Variants in SYMPK observed in about 807,000 individuals in gnomAD.
The protein encoded by SYMPK is symplekin.
SYMPK carries 49 observed loss-of-function variants against 136.4 expected under a neutral mutation model. The ratio of observed to expected loss-of-function variants is 0.36; its 90% CI spans 0.29 to 0.46. The LOEUF (loss-of-function observed/expected upper bound fraction) is 0.46, where lower values mean the gene tolerates loss of function less well. Among genes scored for constraint, SYMPK ranks in the 20% least tolerant of loss-of-function variants. The pLI, the probability that SYMPK is intolerant of heterozygous loss-of-function variation, is 1.00. For missense variants in SYMPK, 1,365 were observed against 1,690.0 expected, an observed-to-expected ratio of 0.81 and a Z score of 3.37; for synonymous variants, 766 against 713.0, an observed-to-expected ratio of 1.07 and a Z score of -1.19.
In SYMPK at chr19:45,815,991, G is replaced by T. The variant is rs778154800; in HGVS notation, c.3547C>A (p.Pro1183Thr). The change falls in exon 26 of 27, where the codon CCC becomes ACC. Residue 1183 changes from proline to threonine, a missense_variant. This residue lies in a region of SYMPK where 341 missense variants were observed against 270.5 expected (regional missense o/e 1.26). Coordinates refer to ENST00000245934, the MANE Select transcript of SYMPK (RefSeq NM_004819.3). Reference protein sequence around the residue: ...SPSPSARPGPPPSEEAMDFRE... With the variant: ...SPSPSARPGPTPSEEAMDFRE... ...AAATCCATGGCTTCCTCAGACGGGG[G>T]CGGGCCTGGCCGGGCCGACGGAGAG... 3 of 1,606,874 alleles carry T rather than the reference G, an allele frequency of 1.9e-6. No homozygotes were observed. Among genetic ancestry groups the T allele is most frequent in the Non-Finnish European group, 1.7e-6 (2 of 1,177,420 alleles).
At position 45,847,771 on chromosome 19, in the gene SYMPK, G is replaced by T; in HGVS notation, c.657C>A (p.Asp219Glu). The T allele has an allele frequency of 6.2e-7, 1 of 1,613,886 alleles. No homozygotes were observed. Among genetic ancestry groups the T allele is most frequent in the Non-Finnish European group, 8.5e-7 (1 of 1,179,976 alleles). Residue 219 changes from aspartate (D) to glutamate (E), a missense_variant, in exon 7 of 27, where the codon GAC becomes GAA. By Grantham distance (45) the Asp-to-Glu change is conservative. This residue lies in a region of SYMPK where 237 missense variants were observed against 292.9 expected (regional missense o/e 0.81). Coordinates refer to ENST00000245934, the MANE Select transcript of SYMPK (RefSeq NM_004819.3). The stretch of plus-strand genomic sequence containing the variant: ...ACTCACTGTACTGGATGTAGGGGTG[G>T]TCACGAGGGATGCGGTCCAGGCTGA... ...HDISLDRIPR[D>E]HPYIQYNVLW...
chr19:45,857,703 G>A (rs1347609855), intron 1 of SYMPK, among the ~76,000 whole-genome samples: 2 of 151,822 alleles, frequency 1.3e-5, no homozygotes, highest in Non-Finnish European at 2.9e-5. Flanking sequence ...ATGTTAGCCA[G>A]GATGGTCTCG....
At chr19:45,848,289 A>G (rs1971615271) in intron 6 of SYMPK, among the ~76,000 whole-genome samples, 1 of 152,228 alleles carries the variant, frequency 6.6e-6, no homozygotes. Flanking sequence ...TGCTGACTTC[A>G]CAAGGTGGTG....
intron 1 of SYMPK, chr19:45,854,971 AG>A (rs1971786800): frequency 6.4e-6 from 1 of 155,642 alleles, no homozygotes; most frequent in African/African-American, 2.5e-5. Flanking sequence ...TCTGCCTCCC[AG>A]GTTCAAGTGA....
chr19:45,843,968 AAAGAAAG>A, intron 8 of SYMPK, 55 bp downstream of exon 8: 1 of 965,026 alleles, frequency 1.0e-6, no homozygotes, highest in Non-Finnish European at 1.4e-6. Context: ...AAAAAAAAAA[AAAGAAAG>A]AGCAGACTGG....
chr19:45,849,008 G>C, intron 5 of SYMPK, 132 bp from the exon 6 acceptor site: 1 of 1,099,592 alleles, frequency 9.1e-7, no homozygotes, highest in Non-Finnish European at 1.3e-6. Context: ...CAGAAGCTGG[G>C]AACAGTGCTT....
chr19:45,845,531 C>G (rs531669788), intron 7 of SYMPK, among the ~76,000 whole-genome samples: 1 of 152,248 alleles, frequency 6.6e-6, no homozygotes, highest in East Asian at 1.9e-4. Flanking sequence ...ACAGGATCTC[C>G]TTCTTTTTTA....
chr19:45,819,440 GCACCTCCCTCGGTCC>G (rs1170187455), intron 22 of SYMPK: 1 of 152,676 alleles, frequency 6.5e-6, no homozygotes, highest in African/African-American at 2.4e-5. Flanking sequence ...CAGCCAGCAA[GCACCTCCCTCGGTCC>G]CTGCAGTCTC....
chr19:45,841,720 C>T (rs755129630), intron 9 of SYMPK, among the ~76,000 whole-genome samples: 2 of 151,910 alleles, frequency 1.3e-5, no homozygotes, highest in Non-Finnish European at 2.9e-5. Flanking sequence ...ATAATACAAC[C>T]ACTAGAAAAT....
rs1048210651 is a variant in SYMPK, at chr19:45,821,553, T to G, written c.2792-68A>C. 1 of 1,085,134 alleles carries G rather than the reference T, an allele frequency of 9.2e-7. No individual in the cohort carries two copies. Among genetic ancestry groups the G allele is most frequent in the Admixed American group, 2.1e-5 (1 of 48,412 alleles). The allele number at this position is 1,085,134 out of a possible 1,614,324, so 67.2% of individuals were successfully genotyped here. ...GCATAAGTGAAGAGATGGGTCTGAG[T>G]TCCCCAGATCGGGGGAGCTGCGAGC... On this transcript the variant is annotated intron_variant, in intron 21 of 26. Transcript: ENST00000245934. The surrounding 1 kb of genome is among the most constrained non-coding windows in gnomAD (Gnocchi z 4.4).
intron 1 of SYMPK, chr19:45,862,428 C>A (rs551078226): frequency 3.9e-5 from 6 of 152,300 alleles, no homozygotes; most frequent in Admixed American, 2.0e-4. Flanking sequence ...TGGGCGTCTC[C>A]GGCGTGATTG....
In SYMPK at chr19:45,831,521, G is replaced by A; in HGVS notation, c.1461C>T (p.Val487=). 6.2e-7 allele frequency: 1 copy of A among 1,611,544 alleles called. No homozygotes were observed. The highest frequency in any genetic ancestry group is 1.7e-4 in the Middle Eastern group (1 of 6,060). ...GGGCTGACAGGCGCCGCTTGATCAG[G>A]ACGCTCTCTGTCTTCACCACCTTCT... is the stretch of plus-strand genomic sequence containing the variant. ...KEEKVVKTES[V]LIKRRLSAQG... is the part of the protein sequence containing the mutation. Residue 487 remains valine, a synonymous_variant, in exon 12 of 27, where the codon GTC becomes GTT. Transcript: ENST00000245934.
intron 12 of SYMPK, 88 bp from the exon 13 acceptor site, chr19:45,830,292 A>G: frequency 6.9e-7 from 1 of 1,449,794 alleles, no homozygotes; most frequent in Non-Finnish European, 9.4e-7. Flanking sequence ...AGGACTAGGT[A>G]GGCAACAGAG....
rs150379973 is a variant in SYMPK at position 45,844,743 on chromosome 19, C to T, written c.677-543G>A. 2.6e-3 allele frequency among the ~76,000 whole-genome samples: 399 copies of T among 152,142 alleles called. 2 individuals carry two copies. Among genetic ancestry groups the T allele is most frequent in the African/African-American group, 9.2e-3 (383 of 41,510 alleles). On this transcript the variant is annotated intron_variant, in intron 7 of 26. Coordinates refer to ENST00000245934, the MANE Select transcript of SYMPK (RefSeq NM_004819.3). ...CTTGCAATAGTGAAAGACTAGAATACATGTGTATATACACACAACTCAAAG... is the reference window on the plus strand; with the variant it reads ...CTTGCAATAGTGAAAGACTAGAATATATGTGTATATACACACAACTCAAAG...
chr19:45,845,844 C>T (rs1396119438), intron 7 of SYMPK, among the ~76,000 whole-genome samples: 1 of 152,232 alleles, frequency 6.6e-6, no homozygotes, highest in Non-Finnish European at 1.5e-5. Context: ...TTCCCTTTCT[C>T]CACATCCTCG....
intron 5 of SYMPK, among the ~76,000 whole-genome samples, chr19:45,851,587 A>AC (rs1230757218): frequency 6.6e-6 from 1 of 151,474 alleles, no homozygotes; most frequent in African/African-American, 2.4e-5. Context: ...CAAAAAAAAA[A>AC]AAAAGGCCAG....
chr19:45,845,203 C>T (rs142342447), intron 7 of SYMPK, among the ~76,000 whole-genome samples: 7 of 152,040 alleles, frequency 4.6e-5, no homozygotes, highest in Non-Finnish European at 8.8e-5. Context: ...ACCTCCACCA[C>T]CCAGACTCAG....
At position 45,816,890 on chromosome 19, in the gene SYMPK, G is replaced by A. The variant is rs1447299508; in HGVS notation, c.3166C>T (p.Leu1056=). 2.3e-5 allele frequency: 36 copies of A among 1,552,596 alleles called. No individual in the cohort carries two copies. Among genetic ancestry groups the A allele is most frequent in the Non-Finnish European group, 3.0e-5 (34 of 1,148,146 alleles). ...KPQSFQVILQ[L]PPQQLGAVFD... Reference sequence around the variant, plus strand: ...ACGGCTCCCAGCTGCTGGGGCGGCAGCTGCAGGATGACCTGGAAGCTCTGG... The same window carrying A: ...ACGGCTCCCAGCTGCTGGGGCGGCAACTGCAGGATGACCTGGAAGCTCTGG... The change falls in exon 24 of 27, where the codon CTG becomes TTG. Residue 1056 remains leucine, a synonymous_variant. Coordinates refer to ENST00000245934, the MANE Select transcript of SYMPK (RefSeq NM_004819.3).
At chr19:45,843,428 T>C (rs913011108) in intron 8 of SYMPK, among the ~76,000 whole-genome samples, 1 of 152,166 alleles carries the variant, frequency 6.6e-6, no homozygotes, top group Non-Finnish European at 1.5e-5. Context: ...TCGCTAATCT[T>C]GGAACATCTA....
Sources: gnomAD v4.1 joint callset for allele counts (sites outside exome capture counted in the v4.1 genomes callset) on GRCh38, gnomAD v4.1.1 for gene constraint, gnomAD v4.1.1 regional missense constraint, Gnocchi (gnomAD v3.1) non-coding constraint, MANE v1.5 for transcripts, NCBI Gene and HGNC (gene_info 2026-07-23, HGNC 2026-07-21) for gene names.